The following TMCC1 variants were observed in gnomAD, a reference collection of about 807,000 sequenced individuals.
TMCC1 encodes transmembrane and coiled-coil domain family 1, also known as transmembrane and coiled-coil domains protein 1.
Under a neutral mutation model 52.4 loss-of-function variants are expected in TMCC1, and 15 were observed. The ratio of observed to expected loss-of-function variants is 0.29; its 90% CI spans 0.19 to 0.44. The LOEUF (loss-of-function observed/expected upper bound fraction) is 0.44. Ranked by LOEUF, TMCC1 falls within the 20% of genes least tolerant of loss-of-function variation. The pLI, the probability that TMCC1 is intolerant of heterozygous loss-of-function variation, is 1.00. For missense variants in TMCC1, 503 were observed against 806.0 expected (o/e 0.62, Z 4.55); for synonymous variants, 279 against 301.9 (o/e 0.92, Z 0.79).
intron 5 of TMCC1, among the ~76,000 whole-genome samples, chr3:129,662,915 C>T (rs1440947430): frequency 6.6e-6 from 1 of 152,088 alleles, no homozygotes; most frequent in African/African-American, 2.4e-5. Context: ...AGCCTTTGCA[C>T]TGTAAGATTA....
At chr3:129,685,010 T>G (rs1254409503) in intron 4 of TMCC1, among the ~76,000 whole-genome samples, 2 of 151,998 alleles carry the variant, frequency 1.3e-5, no homozygotes, top group African/African-American at 4.8e-5. Context: ...GAAATGCAGG[T>G]CCAATTAAAT....
intron 2 of TMCC1, among the ~76,000 whole-genome samples, chr3:129,833,399 T>A (rs566533937): frequency 4.6e-5 from 7 of 152,028 alleles, no homozygotes; most frequent in African/African-American, 1.4e-4. Flanking sequence ...TGACACCCCA[T>A]CTCTAAAACA....
At chr3:129,831,463 A>C (rs915521272) in intron 3 of TMCC1, among the ~76,000 whole-genome samples, 1 of 152,174 alleles carries the variant, frequency 6.6e-6, no homozygotes, top group Admixed American at 6.5e-5. Context: ...AGAAACCTAA[A>C]TTGAGCTTTA....
chr3:129,873,183 G>A (rs746385057), intron 2 of TMCC1, among the ~76,000 whole-genome samples: 4 of 152,072 alleles, frequency 2.6e-5, no homozygotes, highest in African/African-American at 4.8e-5. Context: ...TAACAGGCAT[G>A]AGCCACCGCG....
chr3:129,762,149 C>G (rs1219256884), intron 4 of TMCC1, among the ~76,000 whole-genome samples: 1 of 151,768 alleles, frequency 6.6e-6, no homozygotes, highest in Non-Finnish European at 1.5e-5. Context: ...GAGATCCTCC[C>G]ACTTCAGTGT....
intron 4 of TMCC1, among the ~76,000 whole-genome samples, chr3:129,761,189 G>C (rs1168296957): frequency 6.6e-6 from 1 of 152,004 alleles, no homozygotes; most frequent in East Asian, 2.0e-4. Flanking sequence ...TTGGCCGGGC[G>C]TAGTGGCAGG....
chr3:129,761,084 G>A (rs2053540545), intron 4 of TMCC1, among the ~76,000 whole-genome samples: 1 of 151,942 alleles, frequency 6.6e-6, no homozygotes, highest in African/African-American at 2.4e-5. Flanking sequence ...CCAGCACTTT[G>A]GGAGGTCGAG....
In TMCC1 at chr3:129,682,038, C is replaced by T. The variant is rs936784584; in HGVS notation, c.577-10774G>A. Among the ~76,000 whole-genome samples the T allele has an allele frequency of 2.9e-4, 44 of 151,926 alleles. 1 individual carries two copies. The highest frequency in any genetic ancestry group is 1.0e-3 in the African/African-American group (43 of 41,312). On this transcript the variant is annotated intron_variant, in intron 4 of 6. Coordinates refer to ENST00000393238, the MANE Select transcript of TMCC1 (RefSeq NM_001017395.5). Reference sequence around the variant, plus strand: ...TGCACATATAAAACACATAAAATATCCTCATATTAAATATAATTTTTAACT... The same window carrying T: ...TGCACATATAAAACACATAAAATATTCTCATATTAAATATAATTTTTAACT...
intron 4 of TMCC1, among the ~76,000 whole-genome samples, chr3:129,722,214 T>G (rs1010979343): frequency 2.0e-5 from 3 of 152,086 alleles, no homozygotes; most frequent in Non-Finnish European, 4.4e-5. Context: ...CAAGCGAGTA[T>G]TACCACCTGA....
chr3:129,835,304 C>T (rs2059108003), intron 2 of TMCC1, among the ~76,000 whole-genome samples: 1 of 151,128 alleles, frequency 6.6e-6, no homozygotes, highest in African/African-American at 2.4e-5. Context: ...AAAAAAAATT[C>T]AGTCACGGTT....
chr3:129,660,726 A>G (rs1445308913), intron 5 of TMCC1, among the ~76,000 whole-genome samples: 3 of 152,204 alleles, frequency 2.0e-5, no homozygotes, highest in African/African-American at 7.2e-5. Context: ...TGGTGAAACT[A>G]TCTACCTATG....
At chr3:129,864,402 G>T (rs1032945929) in intron 2 of TMCC1, among the ~76,000 whole-genome samples, 23 of 152,224 alleles carry the variant, frequency 1.5e-4, no homozygotes, top group Non-Finnish European at 2.9e-4. Flanking sequence ...CTTATCCAAA[G>T]TGATAACTGC....
intron 2 of TMCC1, among the ~76,000 whole-genome samples, chr3:129,846,575 G>C (rs539333227): frequency 4.1e-4 from 63 of 152,200 alleles, no homozygotes; most frequent in African/African-American, 1.4e-3. Flanking sequence ...GGGAATTTGT[G>C]ATTTAGCAAC....
At chr3:129,691,924 T>C (rs2047057519) in intron 4 of TMCC1, among the ~76,000 whole-genome samples, 1 of 152,194 alleles carries the variant, frequency 6.6e-6, no homozygotes. Flanking sequence ...CATATATATA[T>C]GTCAAACATC....
Position 129,670,624 on chromosome 3 carries a change from C to G in TMCC1, c.1217G>C (p.Gly406Ala). The G allele has an allele frequency of 6.2e-7, 1 of 1,614,216 alleles. No homozygotes were observed. The highest frequency in any genetic ancestry group is 8.5e-7 in the Non-Finnish European group (1 of 1,180,050). Residue 406 changes from glycine (G) to alanine (A), a missense_variant, in exon 5 of 7, where the codon GGA becomes GCA. Physicochemically the swap from Gly to Ala is moderately conservative, Grantham distance 60. This residue lies in a region of TMCC1 where 38 missense variants were observed against 29.8 expected (regional missense o/e 1.28). Coordinates refer to ENST00000393238, the MANE Select transcript of TMCC1 (RefSeq NM_001017395.5). The part of the protein sequence containing the change: ...GQVDDAGKAL[G>A]VISNFQSSPK... ...GCTAGACTGAAAGTTTGAAATCACT[C>G]CCAAAGCCTTCCCCGCATCATCCAC... is the stretch of plus-strand genomic sequence containing the variant.
intron 4 of TMCC1, among the ~76,000 whole-genome samples, chr3:129,677,212 C>T (rs2088531996): frequency 6.6e-6 from 1 of 152,150 alleles, no homozygotes; most frequent in African/African-American, 2.4e-5. Flanking sequence ...CTTCAGTGAG[C>T]TGAGATTGTG....
At chr3:129,867,355 A>G (rs2060701863) in intron 2 of TMCC1, among the ~76,000 whole-genome samples, 2 of 152,194 alleles carry the variant, frequency 1.3e-5, no homozygotes, top group Admixed American at 1.3e-4. Context: ...AATAGAGAAC[A>G]CAGATCAAAT....
At chr3:129,750,566 C>G (rs961857633) in intron 4 of TMCC1, among the ~76,000 whole-genome samples, 1 of 124,244 alleles carries the variant, frequency 8.0e-6, no homozygotes, top group Non-Finnish European at 1.6e-5. Flanking sequence ...GGAAATAGAT[C>G]TAAATTTTTT....
intron 4 of TMCC1, among the ~76,000 whole-genome samples, chr3:129,808,689 C>T (rs1443092449): frequency 6.7e-6 from 1 of 150,156 alleles, no homozygotes; most frequent in African/African-American, 2.4e-5. Context: ...TTTACATTGG[C>T]ATAATGTAAA....
Sources: allele counts gnomAD v4.1 joint callset (sites outside exome capture counted in the v4.1 genomes callset), GRCh38; gene constraint gnomAD v4.1.1; regional missense constraint gnomAD v4.1.1; transcripts MANE v1.5; gene names NCBI Gene and HGNC (gene_info 2026-07-23, HGNC 2026-07-21).